Variants in SART3 observed in about 807,000 individuals in gnomAD.
SART3 encodes spliceosome associated factor 3, U4/U6 recycling protein.
A neutral mutation model predicts 122.3 loss-of-function variants in SART3; 44 were observed. The ratio of observed to expected loss-of-function variants is 0.36; its 90% CI spans 0.28 to 0.46. The LOEUF (loss-of-function observed/expected upper bound fraction) is 0.46. Ranked by LOEUF, SART3 falls within the 20% of genes least tolerant of loss-of-function variation. The pLI is 1.00. For synonymous variants in SART3, 442 were observed against 454.0 expected, an observed-to-expected ratio of 0.97 and a Z score of 0.34; for missense variants, 1,101 against 1,229.0, an observed-to-expected ratio of 0.90 and a Z score of 1.56.
In SART3 at chr12:108,540,294, A is replaced by G. The variant is rs930103330; in HGVS notation, c.907-1205T>C. Among the ~76,000 whole-genome samples, 5 of 152,258 alleles carry G rather than the reference A, an allele frequency of 3.3e-5. No individual in the cohort carries two copies. In the East Asian group the frequency reaches 9.6e-4, roughly 29 times the overall value. On this transcript the variant is annotated intron_variant, in intron 6 of 18. Coordinates refer to ENST00000546815, the MANE Select transcript of SART3 (RefSeq NM_014706.4). ...TGAGAGGACACATTGTCCGTCTAGA[A>G]TTCTTTTGCTGTTGTCGGTCTAGAA...
At chr12:108,547,038 T>G (rs1257636703) in intron 3 of SART3, among the ~76,000 whole-genome samples, 1 of 152,224 alleles carries the variant, frequency 6.6e-6, no homozygotes, top group Non-Finnish European at 1.5e-5. Flanking sequence ...CAGGCTGGTC[T>G]TGAACTCCCG....
chr12:108,552,091 GA>G (rs981845936), intron 1 of SART3, among the ~76,000 whole-genome samples: 1 of 152,062 alleles, frequency 6.6e-6, no homozygotes, highest in Non-Finnish European at 1.5e-5. Flanking sequence ...AAAGGCTAAA[GA>G]AAACTCATGG....
intron 12 of SART3, among the ~76,000 whole-genome samples, chr12:108,535,154 T>A (rs1872846944): frequency 6.6e-6 from 1 of 152,160 alleles, no homozygotes; most frequent in African/African-American, 2.4e-5. Context: ...AAGAAATGCA[T>A]GGCTATAAGA....
chr12:108,548,564 A>C (rs1873540321), intron 2 of SART3, among the ~76,000 whole-genome samples: 1 of 152,236 alleles, frequency 6.6e-6, no homozygotes, highest in Non-Finnish European at 1.5e-5. Context: ...AGTGGGATCT[A>C]GGACCAAAGT....
At chr12:108,547,654 G>A (rs1053000311) in intron 3 of SART3, among the ~76,000 whole-genome samples, 1 of 152,152 alleles carries the variant, frequency 6.6e-6, no homozygotes, top group Admixed American at 6.5e-5. Context: ...AATAAATCCT[G>A]AGTGTGAGTG....
At chr12:108,537,403 A>G (rs1400975873) in intron 9 of SART3, 85 bp downstream of exon 9, 3 of 995,230 alleles carry the variant, frequency 3.0e-6, no homozygotes, top group South Asian at 2.6e-5. Flanking sequence ...CCCAATCACA[A>G]TGTATCTGGG....
intron 6 of SART3, among the ~76,000 whole-genome samples, chr12:108,541,159 C>A (rs1204992304): frequency 6.6e-6 from 1 of 152,202 alleles, no homozygotes; most frequent in Non-Finnish European, 1.5e-5. Flanking sequence ...GTAATCCCAG[C>A]CCTTTGGGAG....
intron 9 of SART3, 77 bp from the exon 10 acceptor site, chr12:108,536,862 C>T (rs1872930914): frequency 6.7e-6 from 9 of 1,338,928 alleles, no homozygotes; most frequent in Non-Finnish European, 8.4e-6. Context: ...TATGCTGAAA[C>T]TGCCTGGAGA....
chr12:108,547,127 G>A (rs149000436), intron 3 of SART3, among the ~76,000 whole-genome samples: 254 of 152,272 alleles, frequency 1.7e-3, no homozygotes, highest in South Asian at 3.7e-3. Context: ...GCCTTAAAAC[G>A]CTTTTTAAAA....
chr12:108,541,385 G>C (rs2136679778), intron 6 of SART3, among the ~76,000 whole-genome samples: 1 of 152,046 alleles, frequency 6.6e-6, no homozygotes, highest in East Asian at 1.9e-4. Context: ...TCCAGCCTGG[G>C]TGAAAGCGAA....
chr12:108,557,205 A>ATTTT (rs2030258714), intron 1 of SART3, among the ~76,000 whole-genome samples: 1 of 120,944 alleles, frequency 8.3e-6, no homozygotes, highest in African/African-American at 3.7e-5. Flanking sequence ...TTAATGACAT[A>ATTTT]GTTTTTTTTT....
intron 10 of SART3, 58 bp from the exon 11 acceptor site, chr12:108,536,630 T>C: frequency 1.2e-6 from 2 of 1,610,294 alleles, no homozygotes; most frequent in South Asian, 1.1e-5. Flanking sequence ...AGTCGCTGGC[T>C]GAAAAGGTAC....
At chr12:108,560,393 C>A in intron 1 of SART3, 1 of 229,822 alleles carries the variant, frequency 4.4e-6, no homozygotes, top group Non-Finnish European at 8.3e-6. Context: ...ATCACCATCG[C>A]GGTCAATATT....
At chr12:108,537,746 G>A (rs1343106766) in intron 8 of SART3, 151 bp from the exon 9 acceptor site, 1 of 740,726 alleles carries the variant, frequency 1.4e-6, no homozygotes, top group Non-Finnish European at 2.4e-6. Context: ...GTTGAAGACA[G>A]AAGTTGCTAC....
Position 108,549,172 on chromosome 12 carries a change from T to TC in SART3, c.354dup (p.Ile119AspfsTer22). 1 of 1,614,210 alleles carries TC rather than the reference T, an allele frequency of 6.2e-7. No individual in the cohort carries two copies. The highest frequency in any genetic ancestry group is 8.5e-7 in the Non-Finnish European group (1 of 1,180,022). Reference sequence around the variant, plus strand: ...TCCCCTTCCAGCCTGAGCAGTCTGATCAAGTCCACATGGCAGTTGTAGTCA... The same window carrying TC: ...TCCCCTTCCAGCCTGAGCAGTCTGATCCAAGTCCACATGGCAGTTGTAGTCA... On this transcript the variant is annotated frameshift_variant, in exon 2 of 19. Transcript: ENST00000546815. LOFTEE classifies it high-confidence loss of function.
At chr12:108,543,183 C>CT in intron 5 of SART3, 31 bp from the exon 6 acceptor site, 1 of 1,612,784 alleles carries the variant, frequency 6.2e-7, no homozygotes, top group Non-Finnish European at 8.5e-7. Context: ...CCCCGTGGGT[C>CT]TTGCCATTGG....
chr12:108,524,926 C>T (rs931222045), intron 17 of SART3: 2 of 318,092 alleles, frequency 6.3e-6, no homozygotes, highest in Non-Finnish European at 1.2e-5. Context: ...CTTTTTCTCT[C>T]CATTAACCTG....
At chr12:108,531,539 G>A (rs971463121) in intron 13 of SART3, 7 of 423,992 alleles carry the variant, frequency 1.7e-5, no homozygotes, top group Non-Finnish European at 3.0e-5. Flanking sequence ...ATATGAAAAC[G>A]AACGTTCTAA....
Position 108,553,370 on chromosome 12 carries a change from G to C in SART3, c.313-4156C>G, listed in dbSNP as rs960231915. Among the ~76,000 whole-genome samples the C allele has an allele frequency of 2.6e-5, 4 of 152,106 alleles. 1 individual carries two copies. In the South Asian group the frequency reaches 8.3e-4, roughly 32 times the overall value. On this transcript the variant is annotated intron_variant, in intron 1 of 18. Transcript: ENST00000546815. ...AAGTGTTATCATTGAGGGAAACTGG[G>C]TAAAAAGTACACGAAAAATCTCTAT...
Sources: gnomAD v4.1 joint callset for allele counts (sites outside exome capture counted in the v4.1 genomes callset) on GRCh38, gnomAD v4.1.1 for gene constraint, MANE v1.5 for transcripts, NCBI Gene and HGNC (gene_info 2026-07-23, HGNC 2026-07-21) for gene names.